Variants in CDK14 observed in about 807,000 individuals in gnomAD.
CDK14 encodes the protein cyclin-dependent kinase 14.
Under a neutral mutation model 60.7 loss-of-function variants are expected in CDK14, and 34 were observed. That is an observed-to-expected ratio of 0.56 (90% confidence interval 0.43 to 0.75). CDK14 has a LOEUF of 0.75. Ranked by LOEUF, CDK14 falls within the 30% of genes least tolerant of loss-of-function variation. CDK14 has a pLI of 0.00. For missense variants in CDK14, 482 were observed against 564.1 expected, an observed-to-expected ratio of 0.85 and a Z score of 1.47; for synonymous variants, 197 against 203.7, an observed-to-expected ratio of 0.97 and a Z score of 0.28.
chr7:90,830,992 T>C (rs1342658191), intron 5 of CDK14, among the ~76,000 whole-genome samples: 2 of 152,192 alleles, frequency 1.3e-5, no homozygotes, highest in East Asian at 3.9e-4. Flanking sequence ...GTCAAAACCA[T>C]TCAACAAGTC....
At chr7:91,096,822 G>A (rs1799005587) in intron 12 of CDK14, among the ~76,000 whole-genome samples, 1 of 152,156 alleles carries the variant, frequency 6.6e-6, no homozygotes, top group African/African-American at 2.4e-5. Flanking sequence ...ACTAGGCCTT[G>A]GCCTGACATG....
chr7:91,022,199 G>T (rs942675570), intron 10 of CDK14, among the ~76,000 whole-genome samples: 2 of 152,188 alleles, frequency 1.3e-5, no homozygotes, highest in Non-Finnish European at 2.9e-5. Flanking sequence ...GATATATTCT[G>T]TCTGGGGCAG....
intron 14 of CDK14, among the ~76,000 whole-genome samples, chr7:91,122,031 C>G (rs150951860): frequency 9.2e-5 from 14 of 152,254 alleles, no homozygotes; most frequent in East Asian, 7.7e-4. Flanking sequence ...TAAGAAAGGT[C>G]TCTATTCTTT....
intron 10 of CDK14, among the ~76,000 whole-genome samples, chr7:91,042,131 G>C (rs1203426879): frequency 1.3e-5 from 2 of 152,198 alleles, no homozygotes; most frequent in Non-Finnish European, 2.9e-5. Context: ...ATAGAGGTAG[G>C]AGTTCAGCTG....
chr7:90,931,586 G>T (rs938052860), intron 8 of CDK14, among the ~76,000 whole-genome samples: 1 of 152,206 alleles, frequency 6.6e-6, no homozygotes, highest in Admixed American at 6.5e-5. Flanking sequence ...GATGTGTATG[G>T]CTGATGTGAT....
chr7:91,169,270 A>G (rs1801441434), intron 14 of CDK14, among the ~76,000 whole-genome samples: 1 of 152,038 alleles, frequency 6.6e-6, no homozygotes, highest in African/African-American at 2.4e-5. Flanking sequence ...CCCAGCTCCC[A>G]CTCGGCAGGA....
At chr7:91,191,625 G>T (rs1190301858) in intron 14 of CDK14, among the ~76,000 whole-genome samples, 1 of 151,756 alleles carries the variant, frequency 6.6e-6, no homozygotes, top group African/African-American at 2.4e-5. Context: ...AGATGGGGGG[G>T]TGGGATGTGT....
At chr7:90,710,663 A>G (rs895669810) in intron 2 of CDK14, 4 of 503,874 alleles carry the variant, frequency 7.9e-6, no homozygotes, top group Admixed American at 6.4e-5. Flanking sequence ...TGCCAGCTCT[A>G]ATAGTAGACT....
Position 90,596,568 on chromosome 7 carries a change from C to A in CDK14, c.-60C>A. The A allele has an allele frequency of 6.9e-7, 1 of 1,444,860 alleles. No homozygotes were observed. Among genetic ancestry groups the A allele is most frequent in the Non-Finnish European group, 9.7e-7 (1 of 1,035,352 alleles). The allele number at this position is 1,444,860 out of a possible 1,614,324, so 89.5% of individuals were successfully genotyped here. A position where few individuals can be genotyped will look rare whatever the true frequency, so the allele number is the denominator to read the frequency against. ...CTTTCCCCGCGGCGCGCGCCCTCGC[C>A]GTTGTCTGAGCTGTGCCTGGACCAG... On this transcript the variant is annotated 5_prime_UTR_variant, in exon 1 of 15. Coordinates refer to ENST00000380050, the MANE Select transcript of CDK14 (RefSeq NM_001287135.2).
chr7:90,754,814 GA>G (rs1478071788), intron 4 of CDK14, among the ~76,000 whole-genome samples: 1 of 151,918 alleles, frequency 6.6e-6, no homozygotes, highest in Non-Finnish European at 1.5e-5. Context: ...TACATGAACA[GA>G]AACAGACACT....
chr7:91,083,646 A>G (rs1210707461), intron 12 of CDK14, among the ~76,000 whole-genome samples: 1 of 152,222 alleles, frequency 6.6e-6, no homozygotes, highest in Non-Finnish European at 1.5e-5. Context: ...AAAACCCCCT[A>G]AACCCCTTGC....
At chr7:91,035,679 A>G (rs1182015177) in intron 10 of CDK14, among the ~76,000 whole-genome samples, 1 of 150,638 alleles carries the variant, frequency 6.6e-6, no homozygotes, top group Non-Finnish European at 1.5e-5. Flanking sequence ...TGTTCTGACT[A>G]GTATATCATA....
At chr7:90,609,635 A>G (rs1379425238) in intron 2 of CDK14, among the ~76,000 whole-genome samples, 4 of 152,110 alleles carry the variant, frequency 2.6e-5, no homozygotes, top group African/African-American at 9.7e-5. Context: ...GCCTCCTTGG[A>G]AGCAGAAGTC....
chr7:90,811,357 G>C (rs944799029), intron 5 of CDK14, among the ~76,000 whole-genome samples: 3 of 151,892 alleles, frequency 2.0e-5, no homozygotes, highest in African/African-American at 7.3e-5. Flanking sequence ...AGAAAAACAA[G>C]CAATGGGGAA....
At chr7:91,046,853 T>C (rs928118692) in intron 11 of CDK14, among the ~76,000 whole-genome samples, 3 of 152,178 alleles carry the variant, frequency 2.0e-5, no homozygotes, top group African/African-American at 7.2e-5. Flanking sequence ...ATTATTTTGC[T>C]TCTCTTCCCC....
chr7:91,112,143 AT>A (rs1229756160), intron 12 of CDK14, among the ~76,000 whole-genome samples: 1 of 152,196 alleles, frequency 6.6e-6, no homozygotes, highest in Admixed American at 6.5e-5. Flanking sequence ...TAGCAGTTTT[AT>A]TTTAATTCTT....
intron 8 of CDK14, among the ~76,000 whole-genome samples, chr7:90,954,979 A>C (rs1490330095): frequency 6.6e-6 from 1 of 150,798 alleles, no homozygotes; most frequent in Non-Finnish European, 1.5e-5. Context: ...TTTTCTGTGC[A>C]TGAGTATTTA....
chr7:91,195,175 A>T (rs761167346), intron 14 of CDK14, among the ~76,000 whole-genome samples: 1 of 152,254 alleles, frequency 6.6e-6, no homozygotes, highest in Admixed American at 6.5e-5. Flanking sequence ...TGACACTCCT[A>T]GTCCAATACA....
At chr7:91,068,214 A>G (rs930860680) in intron 11 of CDK14, among the ~76,000 whole-genome samples, 1 of 152,214 alleles carries the variant, frequency 6.6e-6, no homozygotes, top group African/African-American at 2.4e-5. Context: ...AAACTCAGAA[A>G]TTAGACATTC....
Sources: allele counts gnomAD v4.1 joint callset (sites outside exome capture counted in the v4.1 genomes callset), GRCh38; gene constraint gnomAD v4.1.1; transcripts MANE v1.5; gene names NCBI Gene and HGNC (gene_info 2026-07-23, HGNC 2026-07-21).